RAD51B: variants seen among roughly 807,000 people sequenced by gnomAD.
RAD51B encodes the protein DNA repair protein RAD51 homolog 2.
Under a neutral mutation model 42.2 loss-of-function variants are expected in RAD51B, and 38 were observed. The observed-to-expected ratio is 0.90, with a 90% confidence interval of 0.70 to 1.18. The LOEUF (loss-of-function observed/expected upper bound fraction) is 1.18, where lower values mean the gene tolerates loss of function less well. Among genes scored for constraint, RAD51B ranks in the 50% most tolerant of loss-of-function variants. RAD51B has a pLI of 0.00. For synonymous variants in RAD51B, 154 were observed against 145.2 expected, an observed-to-expected ratio of 1.06 and a Z score of -0.43; for missense variants, 373 against 400.7, an observed-to-expected ratio of 0.93 and a Z score of 0.59.
intron 7 of RAD51B, among the ~76,000 whole-genome samples, chr14:68,165,741 C>T (rs919447846): frequency 6.6e-6 from 1 of 152,176 alleles, no homozygotes; most frequent in Non-Finnish European, 1.5e-5. Context: ...CCTCATTAAA[C>T]TTCCTTTTTT....
At chr14:68,388,042 A>T (rs927521501) in intron 8 of RAD51B, among the ~76,000 whole-genome samples, 1 of 148,728 alleles carries the variant, frequency 6.7e-6, no homozygotes, top group Admixed American at 6.7e-5. Flanking sequence ...TAACTTACAT[A>T]TGTGACTTGC....
intron 10 of RAD51B, chr14:68,541,334 A>G (rs746140519): frequency 3.0e-6 from 3 of 985,354 alleles, no homozygotes; most frequent in African/African-American, 1.7e-5. Context: ...ACAGGCTAAT[A>G]GCCTACCTGG....
At chr14:68,124,559 G>A (rs754327489) in intron 7 of RAD51B, among the ~76,000 whole-genome samples, 4 of 152,214 alleles carry the variant, frequency 2.6e-5, no homozygotes, top group East Asian at 3.9e-4. Context: ...AATTATTTTC[G>A]TTCATTTTGA....
At chr14:68,104,304 G>A (rs1369702020) in intron 7 of RAD51B, among the ~76,000 whole-genome samples, 2 of 152,104 alleles carry the variant, frequency 1.3e-5, no homozygotes, top group Non-Finnish European at 2.9e-5. Context: ...ATGGAAGCTT[G>A]CAAAGATATG....
chr14:68,521,987 C>T (rs898438485), intron 10 of RAD51B, among the ~76,000 whole-genome samples: 1 of 152,170 alleles, frequency 6.6e-6, no homozygotes, highest in African/African-American at 2.4e-5. Flanking sequence ...AAGGTTGGGT[C>T]GGTTACTCTT....
chr14:67,823,583 G>A lies in RAD51B; in HGVS notation c.40G>A (p.Glu14Lys). The A allele has an allele frequency of 6.2e-7, 1 of 1,613,826 alleles. No homozygotes were observed. The highest frequency in any genetic ancestry group is 1.7e-4 in the Middle Eastern group (1 of 6,060). ...KKLKRVGLSQ[E>K]LCDRLSRHQI... ...ACTAAAACGAGTGGGTTTATCACAA[G>A]AGCTGTGTGACCGTCTGAGTAGACA... Residue 14 changes from glutamate to lysine, a missense_variant, in exon 2 of 11, where the codon GAG becomes AAG. Coordinates refer to ENST00000471583, the MANE Select transcript of RAD51B (RefSeq NM_133510.4).
At position 68,565,455 on chromosome 14, in the gene RAD51B, C is replaced by T. The variant is rs886852451; in HGVS notation, c.1037-29030C>T. 6.6e-6 allele frequency among the ~76,000 whole-genome samples: 1 copy of T among 152,080 alleles called. No individual in the cohort carries two copies. The highest frequency in any genetic ancestry group is 2.4e-5 in the African/African-American group (1 of 41,400). On this transcript the variant is annotated intron_variant, in intron 10 of 10. Transcript: ENST00000487270. This position sits in a 1 kb window ranked among gnomAD's most constrained non-coding sequence, Gnocchi z 4.1. ...TTTCTGTTTGGAGTTTTGCACAGCC[C>T]TTTAAGAGGAGACTTCAGAGTGAGA...
At chr14:68,371,529 A>G (rs1387965809) in intron 8 of RAD51B, among the ~76,000 whole-genome samples, 3 of 151,508 alleles carry the variant, frequency 2.0e-5, no homozygotes, top group Admixed American at 6.6e-5. Context: ...GAAAAAAAAA[A>G]GGGGTTCTGT....
chr14:68,360,764 T>G (rs1300986888), intron 8 of RAD51B, among the ~76,000 whole-genome samples: 1 of 151,638 alleles, frequency 6.6e-6, no homozygotes, highest in Non-Finnish European at 1.5e-5. Context: ...GACAAGGGAG[T>G]CTTCAGAAAT....
intron 7 of RAD51B, among the ~76,000 whole-genome samples, chr14:68,180,341 C>T (rs1267222405): frequency 6.6e-6 from 1 of 152,120 alleles, no homozygotes; most frequent in Non-Finnish European, 1.5e-5. Context: ...TCAGTTTGTT[C>T]TAGCTAGTTG....
intron 10 of RAD51B, among the ~76,000 whole-genome samples, chr14:68,492,027 C>T (rs1175935451): frequency 6.6e-6 from 1 of 152,226 alleles, no homozygotes; most frequent in Non-Finnish European, 1.5e-5. Context: ...ACACTGCCTC[C>T]TAGCTGAACC....
At chr14:68,590,816 G>T (rs1890705966) in intron 10 of RAD51B, among the ~76,000 whole-genome samples, 1 of 152,078 alleles carries the variant, frequency 6.6e-6, no homozygotes, top group African/African-American at 2.4e-5. Flanking sequence ...TACTCTATCT[G>T]CCCATGATCC....
chr14:68,421,393 T>A (rs2084695356), intron 9 of RAD51B, among the ~76,000 whole-genome samples: 1 of 152,128 alleles, frequency 6.6e-6, no homozygotes, highest in Admixed American at 6.5e-5. Flanking sequence ...CATGGTACAA[T>A]GCTAGTTTTC....
chr14:68,035,839 C>T (rs1175595985), intron 7 of RAD51B, among the ~76,000 whole-genome samples: 4 of 152,148 alleles, frequency 2.6e-5, no homozygotes, highest in African/African-American at 4.8e-5. Context: ...GAGTTTTCCT[C>T]TGATTTTCTA....
intron 8 of RAD51B, among the ~76,000 whole-genome samples, chr14:68,364,300 T>C (rs1246178478): frequency 6.6e-6 from 1 of 152,142 alleles, no homozygotes; most frequent in Non-Finnish European, 1.5e-5. Flanking sequence ...AGGGAGACAC[T>C]AGCAGTCAGC....
chr14:68,022,715 A>T (rs969396663), intron 7 of RAD51B, among the ~76,000 whole-genome samples: 1 of 151,264 alleles, frequency 6.6e-6, no homozygotes, highest in African/African-American at 2.4e-5. Flanking sequence ...GGTAAATTGC[A>T]TGTTGTGGGG....
intron 10 of RAD51B, chr14:68,541,610 T>C (rs17105812): frequency 0.2 from 195,071 of 985,286 alleles, 20,376 homozygotes; most frequent in Middle Eastern, 0.35. Context: ...AATTTGCCCA[T>C]GTCACCCAAC....
chr14:68,455,447 G>A (rs2140197476), intron 9 of RAD51B, among the ~76,000 whole-genome samples: 1 of 152,224 alleles, frequency 6.6e-6, no homozygotes, highest in South Asian at 2.1e-4. Flanking sequence ...GCCAGGTGTG[G>A]TGGCTCACAC....
At chr14:67,928,390 C>T (rs2044603192) in intron 7 of RAD51B, among the ~76,000 whole-genome samples, 1 of 152,060 alleles carries the variant, frequency 6.6e-6, no homozygotes, top group Non-Finnish European at 1.5e-5. Context: ...GGGAGGGGGG[C>T]TCTGAGAGAG....
Sources: allele counts gnomAD v4.1 joint callset (sites outside exome capture counted in the v4.1 genomes callset), GRCh38; gene constraint gnomAD v4.1.1; non-coding constraint Gnocchi (gnomAD v3.1); transcripts MANE v1.5; gene names NCBI Gene and HGNC (gene_info 2026-07-23, HGNC 2026-07-21).